The following LRRC8D variants were observed in gnomAD, a reference collection of about 807,000 sequenced individuals.
LRRC8D encodes leucine rich repeat containing 8 VRAC subunit D.
A neutral mutation model predicts 55.8 loss-of-function variants in LRRC8D; 20 were observed. The ratio of observed to expected loss-of-function variants is 0.36; its 90% CI spans 0.25 to 0.52. LRRC8D has a LOEUF of 0.52. Ranked by LOEUF, LRRC8D falls within the 20% of genes least tolerant of loss-of-function variation. The pLI is 0.93. For missense variants in LRRC8D, 651 were observed against 1,030.8 expected, an observed-to-expected ratio of 0.63 and a Z score of 5.05; for synonymous variants, 352 against 377.0, an observed-to-expected ratio of 0.93 and a Z score of 0.77.
chr1:89,875,904 G>T (rs147073808), intron 2 of LRRC8D, among the ~76,000 whole-genome samples: 2 of 152,334 alleles, frequency 1.3e-5, no homozygotes, highest in Non-Finnish European at 2.9e-5. Flanking sequence ...GAATCAGTTT[G>T]TAAAGGAATT....
chr1:89,856,905 A>G (rs1224606735), intron 2 of LRRC8D, among the ~76,000 whole-genome samples: 1 of 152,150 alleles, frequency 6.6e-6, no homozygotes, highest in African/African-American at 2.4e-5. Context: ...TTAAGTTAAC[A>G]TTTCATATAA....
At chr1:89,874,218 G>GT (rs1408538937) in intron 2 of LRRC8D, among the ~76,000 whole-genome samples, 3 of 152,208 alleles carry the variant, frequency 2.0e-5, no homozygotes, top group Admixed American at 6.5e-5. Flanking sequence ...AGAGTTGCCA[G>GT]TTTATGTGGC....
At chr1:89,875,147 G>C (rs575776321) in intron 2 of LRRC8D, among the ~76,000 whole-genome samples, 1 of 152,248 alleles carries the variant, frequency 6.6e-6, no homozygotes, top group African/African-American at 2.4e-5. Context: ...AAGTAGCCCG[G>C]TAGAATCTTT....
rs183084710 is a variant in LRRC8D, at chr1:89,827,459, G to A, written c.-148+6168G>A. Among the ~76,000 whole-genome samples the A allele has an allele frequency of 1.5e-3, 233 of 152,116 alleles. 2 individuals are homozygous for A. The highest frequency in any genetic ancestry group is 5.0e-3 in the African/African-American group (209 of 41,484). On this transcript the variant is annotated intron_variant, in intron 1 of 2. Coordinates refer to ENST00000337338, the MANE Select transcript of LRRC8D (RefSeq NM_001134479.2). The stretch of plus-strand genomic sequence containing the variant: ...GCACCTAACCTTCAGAAAGACACTA[G>A]AGCTGGAATGACCATTGTAATGATA...
intron 2 of LRRC8D, among the ~76,000 whole-genome samples, chr1:89,904,608 T>C (rs187241553): frequency 6.6e-6 from 1 of 152,310 alleles, no homozygotes; most frequent in Admixed American, 6.5e-5. Context: ...GGAGCTCTAT[T>C]GGCCACTCCT....
At chr1:89,840,637 C>T (rs528079161) in intron 1 of LRRC8D, among the ~76,000 whole-genome samples, 1 of 152,308 alleles carries the variant, frequency 6.6e-6, no homozygotes, top group South Asian at 2.1e-4. Context: ...ACCATACAAA[C>T]TCTCCTATAT....
At chr1:89,875,255 T>C (rs1028600681) in intron 2 of LRRC8D, among the ~76,000 whole-genome samples, 29 of 152,206 alleles carry the variant, frequency 1.9e-4, no homozygotes. Flanking sequence ...TTTTAAAATA[T>C]GCATGGGATT....
chr1:89,870,967 A>T (rs1661992161), intron 2 of LRRC8D, among the ~76,000 whole-genome samples: 1 of 152,220 alleles, frequency 6.6e-6, no homozygotes, highest in African/African-American at 2.4e-5. Context: ...TAGACATAGA[A>T]TTCAACTTTA....
intron 2 of LRRC8D, among the ~76,000 whole-genome samples, chr1:89,867,605 AT>A (rs145249619): frequency 0.014 from 2,137 of 152,034 alleles, 54 homozygotes; most frequent in African/African-American, 0.05. Context: ...ATATATTTTC[AT>A]TTTTCTTGCG....
intron 2 of LRRC8D, among the ~76,000 whole-genome samples, chr1:89,925,055 C>T (rs1663522833): frequency 6.6e-6 from 1 of 152,134 alleles, no homozygotes; most frequent in Non-Finnish European, 1.5e-5. Flanking sequence ...TCGCACAGCA[C>T]CAGGTGAGCA....
intron 2 of LRRC8D, among the ~76,000 whole-genome samples, chr1:89,900,229 C>A (rs1245219074): frequency 1.3e-5 from 2 of 152,120 alleles, no homozygotes; most frequent in African/African-American, 4.8e-5. Flanking sequence ...ATACTTTAGG[C>A]AGAGGAAATG....
At chr1:89,850,995 G>A (rs1373190772) in intron 2 of LRRC8D, among the ~76,000 whole-genome samples, 1 of 151,186 alleles carries the variant, frequency 6.6e-6, no homozygotes, top group Non-Finnish European at 1.5e-5. Context: ...ACCTATCTAG[G>A]AATATTGTTT....
chr1:89,840,476 TAAGA>T (rs943475155), intron 1 of LRRC8D, among the ~76,000 whole-genome samples: 22 of 152,178 alleles, frequency 1.4e-4, no homozygotes, highest in Non-Finnish European at 2.4e-4. Flanking sequence ...ATAGGGAGCC[TAAGA>T]AAGAGAAATG....
At chr1:89,843,501 A>C (rs1661189963) in intron 1 of LRRC8D, 137 bp from the exon 2 acceptor site, 4 of 515,808 alleles carry the variant, frequency 7.8e-6, no homozygotes, top group East Asian at 3.5e-5. Flanking sequence ...CGGCCAGGGG[A>C]GCGCTGGGTG....
At chr1:89,822,691 G>A (rs1660668772) in intron 1 of LRRC8D, among the ~76,000 whole-genome samples, 1 of 152,260 alleles carries the variant, frequency 6.6e-6, no homozygotes, top group East Asian at 1.9e-4. Context: ...AAGAATGAGA[G>A]TGATCAGACC....
At position 89,911,841 on chromosome 1, in the gene LRRC8D, G is replaced by T. The variant is rs1663140398; in HGVS notation, c.-2-21226G>T. On this transcript the variant is annotated intron_variant, in intron 2 of 2. Transcript: ENST00000337338. This position sits in a 1 kb window ranked among gnomAD's most constrained non-coding sequence, Gnocchi z 4.0. ...TGCTTACCACTCTCTTCCTGAAGGG[G>T]TTGCCTCTTTTGGCTTCTAGGCCAA... Among the ~76,000 whole-genome samples the T allele has an allele frequency of 6.6e-6, 1 of 152,136 alleles. No individual in the cohort carries two copies. Among genetic ancestry groups the T allele is most frequent in the African/African-American group, 2.4e-5 (1 of 41,446 alleles).
chr1:89,846,440 G>A (rs776567051), intron 2 of LRRC8D: 1 of 151,946 alleles, frequency 6.6e-6, no homozygotes, highest in South Asian at 2.1e-4. Flanking sequence ...GATGTAACTT[G>A]TCAGTGGTCG....
intron 1 of LRRC8D, among the ~76,000 whole-genome samples, chr1:89,842,767 C>G (rs959372623): frequency 6.6e-5 from 10 of 152,156 alleles, no homozygotes; most frequent in Admixed American, 4.6e-4. Context: ...CCACTTAAGT[C>G]AGAGTTCAAC....
intron 2 of LRRC8D, among the ~76,000 whole-genome samples, chr1:89,873,009 G>A (rs1311618816): frequency 6.6e-6 from 1 of 152,198 alleles, no homozygotes; most frequent in Non-Finnish European, 1.5e-5. Flanking sequence ...TTACAAGCAG[G>A]CTTTTAATCC....
Sources: allele counts gnomAD v4.1 joint callset (sites outside exome capture counted in the v4.1 genomes callset), GRCh38; gene constraint gnomAD v4.1.1; non-coding constraint Gnocchi (gnomAD v3.1); transcripts MANE v1.5; gene names NCBI Gene and HGNC (gene_info 2026-07-23, HGNC 2026-07-21).